Variants in PRUNE2 observed in about 807,000 individuals in gnomAD.
The protein encoded by PRUNE2 is protein prune homolog 2.
In PRUNE2, 164 loss-of-function variants were observed where a neutral mutation model predicts 252.0. That is an observed-to-expected ratio of 0.65 (90% CI 0.57 to 0.74). The LOEUF (loss-of-function observed/expected upper bound fraction) is 0.74. Among genes scored for constraint, PRUNE2 ranks in the 30% least tolerant of loss-of-function variants. PRUNE2 has a pLI of 0.00. For missense variants in PRUNE2, 3,495 were observed against 3,711.0 expected (o/e 0.94, Z 1.51); for synonymous variants, 1,292 against 1,350.2 (o/e 0.96, Z 0.94).
At chr9:76,794,595 CAAAG>C (rs1443922400) in intron 6 of PRUNE2, among the ~76,000 whole-genome samples, 2 of 115,514 alleles carry the variant, frequency 1.7e-5, no homozygotes, top group Admixed American at 1.1e-4. Flanking sequence ...AGCCTGGCGA[CAAAG>C]AGAGACTCTG....
intron 9 of PRUNE2, among the ~76,000 whole-genome samples, chr9:76,670,684 C>T (rs536856702): frequency 5.9e-5 from 9 of 152,062 alleles, no homozygotes; most frequent in African/African-American, 2.2e-4. Context: ...AGTGGTTCTC[C>T]CAGCACGCAG....
rs865945398 is a variant in PRUNE2 at position 76,774,322 on chromosome 9, A to C, written c.756+49310T>G. On this transcript the variant is annotated intron_variant, in intron 6 of 18. Transcript: ENST00000376718. ...AGTTAATTTTTTGTATTTTTTTGTAAAGATGGGGTTTCACCATGTTGCCCA... is the reference window on the plus strand; with the variant it reads ...AGTTAATTTTTTGTATTTTTTTGTACAGATGGGGTTTCACCATGTTGCCCA... Among the ~76,000 whole-genome samples, 10 of 151,432 alleles carry C rather than the reference A, an allele frequency of 6.6e-5. No individual in the cohort carries two copies. In the Middle Eastern group the frequency reaches 0.014, roughly 206 times the overall value.
Position 76,834,339 on chromosome 9 carries a change from A to G in PRUNE2, c.509-7607T>C, listed in dbSNP as rs989329640. 1.2e-4 allele frequency among the ~76,000 whole-genome samples: 18 copies of G among 152,244 alleles called. 1 individual carries two copies. The highest frequency in any genetic ancestry group is 8.5e-4 in the Admixed American group (13 of 15,282). ...ATGACACAATTATGTGTGCAAAAAA[A>G]GCTCAAAGAATCTACAAATGAACTC... is the stretch of plus-strand genomic sequence containing the variant. On this transcript the variant is annotated intron_variant, in intron 4 of 18. Transcript: ENST00000376718.
chr9:76,738,431 C>A (rs1179469329), intron 6 of PRUNE2: 1 of 152,152 alleles, frequency 6.6e-6, no homozygotes, highest in African/African-American at 2.4e-5. Flanking sequence ...ATCCTCGCCT[C>A]GAGGATTTGT....
At position 76,708,696 on chromosome 9, in the gene PRUNE2, T is replaced by A; in HGVS notation, c.3578A>T (p.Asp1193Val). 6.2e-7 allele frequency: 1 copy of A among 1,613,990 alleles called. No homozygotes were observed. Among genetic ancestry groups the A allele is most frequent in the East Asian group, 2.2e-5 (1 of 44,868 alleles). The change falls in exon 8 of 19, where the codon GAT (aspartate) becomes GTT (valine). Residue 1193 changes from aspartate (D) to valine (V), a missense_variant. Transcript: ENST00000376718. The stretch of plus-strand genomic sequence containing the variant: ...GGGAGCACTGTCCTTGGTATGCTCA[T>A]CAGAGGCAGGGAGCTCCCAATCTAC... The part of the protein sequence containing the change: ...NQVDWELPAS[D>V]EHTKDSAPSE...
rs113042849 is a variant in PRUNE2, at chr9:76,629,550, C to T, written c.9051-260G>A. On this transcript the variant is annotated intron_variant, in intron 15 of 18. Coordinates refer to ENST00000376718, the MANE Select transcript of PRUNE2 (RefSeq NM_015225.3). ...AACATGATGTTCTGAAATATGTATA[C>T]GTTGTGGAATGGCTGAACTGAGCTA... Among the ~76,000 whole-genome samples, 689 of 149,804 alleles carry T rather than the reference C, an allele frequency of 4.6e-3. 9 individuals are homozygous for T. Among genetic ancestry groups the T allele is most frequent in the African/African-American group, 0.016 (648 of 40,908 alleles).
At chr9:76,677,291 A>C (rs1417137477) in intron 9 of PRUNE2, among the ~76,000 whole-genome samples, 1 of 152,182 alleles carries the variant, frequency 6.6e-6, no homozygotes, top group Non-Finnish European at 1.5e-5. Flanking sequence ...CTTAAAAAAA[A>C]TTCATTATTT....
intron 4 of PRUNE2, among the ~76,000 whole-genome samples, chr9:76,836,106 C>T (rs189722976): frequency 6.6e-6 from 1 of 152,100 alleles, no homozygotes; most frequent in Non-Finnish European, 1.5e-5. Context: ...CAGAAACACA[C>T]ACGCACACAA....
intron 9 of PRUNE2, among the ~76,000 whole-genome samples, chr9:76,670,695 C>A (rs1268964299): frequency 1.4e-4 from 21 of 151,974 alleles, no homozygotes; most frequent in Non-Finnish European, 2.8e-4. Flanking sequence ...CAGCACGCAG[C>A]TGGAGATCTG....
At chr9:76,766,995 C>T (rs116546485) in intron 6 of PRUNE2, among the ~76,000 whole-genome samples, 1,570 of 152,276 alleles carry the variant, frequency 0.01, 29 homozygotes, top group African/African-American at 0.036. Flanking sequence ...CCCCCCAAGG[C>T]GAAGGTAGGC....
chr9:76,667,268 G>C (rs961451312), intron 9 of PRUNE2, among the ~76,000 whole-genome samples: 2 of 152,232 alleles, frequency 1.3e-5, no homozygotes, highest in Admixed American at 1.3e-4. Flanking sequence ...AACTGGGAGT[G>C]AATTTGAAAG....
chr9:76,880,453 G>A (rs2061712230), intron 1 of PRUNE2, among the ~76,000 whole-genome samples: 1 of 152,148 alleles, frequency 6.6e-6, no homozygotes, highest in South Asian at 2.1e-4. Flanking sequence ...GTAGACGTCT[G>A]CACAAAAGCA....
intron 6 of PRUNE2, among the ~76,000 whole-genome samples, chr9:76,752,891 A>T (rs1329177451): frequency 6.6e-6 from 1 of 152,196 alleles, no homozygotes; most frequent in Non-Finnish European, 1.5e-5. Context: ...AATCCTTGAG[A>T]GCATTTGAAA....
At chr9:76,739,010 G>C (rs937768919) in intron 6 of PRUNE2, 9 of 152,150 alleles carry the variant, frequency 5.9e-5, no homozygotes, top group African/African-American at 2.2e-4. Flanking sequence ...ACCCTGTGAA[G>C]TGGGCAGAGC....
intron 1 of PRUNE2, among the ~76,000 whole-genome samples, chr9:76,855,068 A>AAG (rs1554811366): frequency 1.6e-5 from 2 of 126,686 alleles, no homozygotes; most frequent in Non-Finnish European, 3.3e-5. Flanking sequence ...CCATCTCAAA[A>AAG]AAAAAAAAAA....
intron 6 of PRUNE2, among the ~76,000 whole-genome samples, chr9:76,762,848 A>G (rs2051887644): frequency 6.6e-6 from 1 of 152,222 alleles, no homozygotes; most frequent in Non-Finnish European, 1.5e-5. Flanking sequence ...TTTTAGTTGG[A>G]CTCAAGATAA....
intron 6 of PRUNE2, among the ~76,000 whole-genome samples, chr9:76,731,524 CATT>C (rs748997578): frequency 1.3e-5 from 2 of 152,032 alleles, no homozygotes; most frequent in African/African-American, 4.8e-5. Context: ...GACAGGGTCT[CATT>C]ATGTTGCCCA....
At chr9:76,675,213 T>G (rs1217857317) in intron 9 of PRUNE2, among the ~76,000 whole-genome samples, 2 of 60,112 alleles carry the variant, frequency 3.3e-5, no homozygotes, top group Non-Finnish European at 4.3e-5. Context: ...CAAACAAATT[T>G]ACAAGAAAAA....
At chr9:76,809,503 C>T (rs2057211398) in intron 6 of PRUNE2, among the ~76,000 whole-genome samples, 1 of 152,160 alleles carries the variant, frequency 6.6e-6, no homozygotes. Flanking sequence ...CGAGACCATC[C>T]TGGCCAACAT....
Sources: gnomAD v4.1 joint callset for allele counts (sites outside exome capture counted in the v4.1 genomes callset) on GRCh38, gnomAD v4.1.1 for gene constraint, MANE v1.5 for transcripts, NCBI Gene and HGNC (gene_info 2026-07-23, HGNC 2026-07-21) for gene names.